EDA: variants seen among roughly 807,000 people sequenced by gnomAD.
EDA encodes ectodysplasin-A.
Under a neutral mutation model 23.6 loss-of-function variants are expected in EDA, and 2 were observed. That is an observed-to-expected ratio of 0.08 (90% CI 0.03 to 0.27). EDA has a LOEUF of 0.27. Ranked by LOEUF, EDA falls within the 10% of genes least tolerant of loss-of-function variation. EDA has a pLI of 1.00. For synonymous variants in EDA, 131 were observed against 132.0 expected (o/e 0.99, Z 0.05); for missense variants, 229 against 324.2 (o/e 0.71, Z 2.26).
At chrX:69,863,253 A>G (rs1182735539) in intron 1 of EDA, among the ~76,000 whole-genome samples, 1 of 109,119 alleles carries the variant, frequency 9.2e-6, no homozygotes, top group Non-Finnish European at 1.9e-5. Flanking sequence ...GACTCCCCTA[A>G]ACAAATAATC....
chrX:70,029,496 T>C lies in EDA; in HGVS notation c.707-8T>C, dbSNP rs1410707997. 7 of 1,211,668 alleles carry C rather than the reference T, an allele frequency of 5.8e-6. No homozygotes were observed. The highest frequency in any genetic ancestry group is 7.8e-6 in the Non-Finnish European group (7 of 895,217). On this transcript the variant is annotated splice_region_variant and splice_polypyrimidine_tract_variant and intron_variant, in intron 4 of 7. Coordinates refer to ENST00000374552, the MANE Select transcript of EDA (RefSeq NM_001399.5). ...TATGCCCTCTGATTGTCCTATCCTATTTTGCAGGTGCTGCTGATAAAGCTG... is the reference window on the plus strand; with the variant it reads ...TATGCCCTCTGATTGTCCTATCCTACTTTGCAGGTGCTGCTGATAAAGCTG...
chrX:69,620,476 A>G (rs1200493659), intron 1 of EDA: 1 of 128,962 alleles, frequency 7.8e-6, no homozygotes, highest in Non-Finnish European at 1.5e-5. Context: ...GATCAAGAAC[A>G]TAACTAGGAA....
chrX:69,737,019 A>G (rs947314993), intron 1 of EDA, among the ~76,000 whole-genome samples: 3 of 110,272 alleles, frequency 2.7e-5, no homozygotes, highest in Non-Finnish European at 5.7e-5. Flanking sequence ...TGATCCACCC[A>G]TCTCGGCCTC....
At chrX:69,934,166 C>T (rs1278409958) in intron 1 of EDA, among the ~76,000 whole-genome samples, 2 of 111,830 alleles carry the variant, frequency 1.8e-5, no homozygotes, top group Non-Finnish European at 3.8e-5. Context: ...ACTGGGGGAC[C>T]TCTAAATTCC....
Position 69,759,999 on chromosome X carries a change from A to G in EDA, c.396+143295A>G, listed in dbSNP as rs186721994. ...ATACCTTAAGACTGTATTACAGCAAATACCACGTCTTTAAAGATTCTCCAG... is the reference window on the plus strand; with the variant it reads ...ATACCTTAAGACTGTATTACAGCAAGTACCACGTCTTTAAAGATTCTCCAG... On this transcript the variant is annotated intron_variant, in intron 1 of 7. Transcript: ENST00000374552. Among the ~76,000 whole-genome samples the G allele has an allele frequency of 2.7e-3, 289 of 109,010 alleles. 2 individuals are homozygous for G. The highest frequency in any genetic ancestry group is 9.1e-3 in the African/African-American group (273 of 29,905). The allele number at this position is 109,010 out of a possible 115,157, so 94.7% of individuals were successfully genotyped here.
rs2020297923 is a variant in EDA at position 70,038,914 on chromosome X, T to C, written c.*3305T>C. 9.0e-6 allele frequency: 1 copy of C among 111,035 alleles called. No homozygotes were observed. The highest frequency in any genetic ancestry group is 1.9e-5 in the Non-Finnish European group (1 of 52,835). 9.2% of individuals were successfully genotyped at this position (111,035 alleles called of 1,213,427 possible). On this transcript the variant is annotated 3_prime_UTR_variant, in exon 8 of 8. Coordinates refer to ENST00000374552, the MANE Select transcript of EDA (RefSeq NM_001399.5). Reference sequence around the variant, plus strand: ...GCACCAACCTCCAGACTCAGCAGAGTGAGGGGGTAAAGCAGTTCCTGTCCC... The same window carrying C: ...GCACCAACCTCCAGACTCAGCAGAGCGAGGGGGTAAAGCAGTTCCTGTCCC...
chrX:69,629,076 T>A (rs1932482664), intron 1 of EDA, among the ~76,000 whole-genome samples: 1 of 112,026 alleles, frequency 8.9e-6, no homozygotes, highest in Non-Finnish European at 1.9e-5. Context: ...CTACTGCCCG[T>A]AGAATAAAGT....
At chrX:69,686,746 A>G (rs1005917241) in intron 1 of EDA, among the ~76,000 whole-genome samples, 19 of 111,832 alleles carry the variant, frequency 1.7e-4, no homozygotes, top group Non-Finnish European at 3.6e-4. Context: ...GGATTCATCC[A>G]TATGAATCCT....
chrX:69,830,660 A>G (rs930264402), intron 1 of EDA, among the ~76,000 whole-genome samples: 2 of 112,435 alleles, frequency 1.8e-5, no homozygotes, highest in African/African-American at 3.2e-5. Context: ...CTGACAGTGT[A>G]TCTTTTAGGG....
intron 2 of EDA, among the ~76,000 whole-genome samples, chrX:69,995,426 T>A (rs1357505276): frequency 8.9e-6 from 1 of 112,349 alleles, no homozygotes; most frequent in Non-Finnish European, 1.9e-5. Context: ...CATATGACAG[T>A]GAAGTCACCA....
chrX:69,684,433 AC>A (rs1425901258), intron 1 of EDA, among the ~76,000 whole-genome samples: 1 of 112,228 alleles, frequency 8.9e-6, no homozygotes, highest in African/African-American at 3.2e-5. Context: ...CATCAAAAAA[AC>A]AATTAAATTG....
chrX:69,742,750 C>G (rs965190083), intron 1 of EDA, among the ~76,000 whole-genome samples: 12 of 111,043 alleles, frequency 1.1e-4, no homozygotes, highest in African/African-American at 3.9e-4. Context: ...ACAGTTTTCT[C>G]TTCTTGCCTG....
At chrX:69,938,171 G>A (rs986562851) in intron 1 of EDA, among the ~76,000 whole-genome samples, 16 of 111,388 alleles carry the variant, frequency 1.4e-4, no homozygotes, top group Admixed American at 4.8e-4. Context: ...AGCACCCGGC[G>A]GCAGTGGCAG....
chrX:69,934,691 A>G (rs1291232287), intron 1 of EDA, among the ~76,000 whole-genome samples: 1 of 111,853 alleles, frequency 8.9e-6, no homozygotes, highest in Admixed American at 9.5e-5. Flanking sequence ...ATATTTTGAT[A>G]CAGGCACACA....
intron 1 of EDA, among the ~76,000 whole-genome samples, chrX:69,674,715 G>A (rs1411680346): frequency 8.9e-6 from 1 of 111,781 alleles, no homozygotes; most frequent in Non-Finnish European, 1.9e-5. Context: ...TTGGAATTTG[G>A]CTCCTTCCTC....
intron 1 of EDA, among the ~76,000 whole-genome samples, chrX:69,718,994 C>T (rs2012460427): frequency 9.0e-6 from 1 of 111,590 alleles, no homozygotes; most frequent in Non-Finnish European, 1.9e-5. Flanking sequence ...CAAGTCTACT[C>T]AGATTATCTA....
At chrX:69,663,588 T>C (rs960955011) in intron 1 of EDA, among the ~76,000 whole-genome samples, 2 of 112,194 alleles carry the variant, frequency 1.8e-5, no homozygotes, top group African/African-American at 6.5e-5. Flanking sequence ...AGAAGGGAAA[T>C]GTGGGGTGCA....
At chrX:70,001,120 T>C (rs767983402) in intron 2 of EDA, among the ~76,000 whole-genome samples, 3 of 111,555 alleles carry the variant, frequency 2.7e-5, no homozygotes, top group Non-Finnish European at 5.6e-5. Context: ...AAAAATTGGA[T>C]TGGCTCTTTC....
chrX:69,659,022 A>C (rs942598805), intron 1 of EDA, among the ~76,000 whole-genome samples: 4 of 111,984 alleles, frequency 3.6e-5, no homozygotes, highest in African/African-American at 1.3e-4. Flanking sequence ...AGATTCAGTG[A>C]TTATTTTTTG....
Sources: gnomAD v4.1 joint callset for allele counts (sites outside exome capture counted in the v4.1 genomes callset) on GRCh38, gnomAD v4.1.1 for gene constraint, MANE v1.5 for transcripts, NCBI Gene and HGNC (gene_info 2026-07-23, HGNC 2026-07-21) for gene names.